Variants in NRXN3 observed in about 807,000 individuals in gnomAD.
NRXN3 encodes the protein neurexin 3, also known as neurexin III.
In NRXN3, 32 loss-of-function variants were observed where a neutral mutation model predicts 137.6. That is an observed-to-expected ratio of 0.23 (90% CI 0.18 to 0.31). The LOEUF (loss-of-function observed/expected upper bound fraction) is 0.31, where lower values mean the gene tolerates loss of function less well. NRXN3 is among the 10% of genes least tolerant of loss of function. The pLI is 1.00. For missense variants in NRXN3, 1,574 were observed against 2,062.5 expected, an observed-to-expected ratio of 0.76 and a Z score of 4.59; for synonymous variants, 798 against 784.5, an observed-to-expected ratio of 1.02 and a Z score of -0.29.
chr14:79,079,517 T>C (rs897759646), intron 15 of NRXN3, among the ~76,000 whole-genome samples: 5 of 152,196 alleles, frequency 3.3e-5, no homozygotes, highest in African/African-American at 1.2e-4. Flanking sequence ...AATGGTGATA[T>C]GGAGAACTTA....
chr14:78,222,333 T>C (rs989840292), intron 1 of NRXN3, among the ~76,000 whole-genome samples: 22 of 148,542 alleles, frequency 1.5e-4, no homozygotes, highest in African/African-American at 3.2e-4. Context: ...CACACACACA[T>C]ACACACACAC....
At chr14:79,854,074 T>G (rs1424905819) in intron 20 of NRXN3, 2 of 984,658 alleles carry the variant, frequency 2.0e-6, no homozygotes, top group African/African-American at 3.5e-5. Flanking sequence ...AATTAGACAT[T>G]TTGCTCAAAA....
rs547724767 is a variant in NRXN3 at position 79,860,563 on chromosome 14, C to CA, written c.4094-777dup. Among the ~76,000 whole-genome samples the CA allele has an allele frequency of 7.4e-4, 112 of 152,302 alleles. 2 individuals are homozygous for CA. In the East Asian group the frequency reaches 0.019, roughly 25 times the overall value. On this transcript the variant is annotated intron_variant, in intron 20 of 20. Transcript: ENST00000335750. ...CTTTTATGTTTCTTGATCTTGGTCT[C>CA]AATAAGATGGTGAATCGGTCATTCT...
chr14:79,198,554 A>G (rs746050409), intron 15 of NRXN3, among the ~76,000 whole-genome samples: 2 of 152,228 alleles, frequency 1.3e-5, no homozygotes, highest in Non-Finnish European at 2.9e-5. Context: ...TCTTAATGCT[A>G]AAGGGAGATA....
intron 8 of NRXN3, among the ~76,000 whole-genome samples, chr14:78,716,957 C>T (rs1008134130): frequency 1.9e-4 from 29 of 152,144 alleles, no homozygotes; most frequent in Admixed American, 1.8e-3. Flanking sequence ...CTGTCAGGTG[C>T]CTGGGCTCTT....
chr14:79,758,451 C>T (rs2099027422), intron 19 of NRXN3, among the ~76,000 whole-genome samples: 1 of 152,046 alleles, frequency 6.6e-6, no homozygotes, highest in African/African-American at 2.4e-5. Flanking sequence ...TTTTAACAAT[C>T]AGATTTCATG....
chr14:78,209,640 CTACCACG>C (rs2153409686), intron 1 of NRXN3, among the ~76,000 whole-genome samples: 2 of 152,268 alleles, frequency 1.3e-5, no homozygotes, highest in South Asian at 4.2e-4. Flanking sequence ...TGAGAACTCA[CTACCACG>C]AGAACAGCAT....
At chr14:78,901,347 C>T (rs2099195681) in intron 10 of NRXN3, among the ~76,000 whole-genome samples, 1 of 151,776 alleles carries the variant, frequency 6.6e-6, no homozygotes, top group African/African-American at 2.4e-5. Context: ...CCTGCTTTCC[C>T]TTTGTATTTC....
intron 15 of NRXN3, among the ~76,000 whole-genome samples, chr14:79,232,602 G>A (rs1036003254): frequency 6.6e-6 from 1 of 152,014 alleles, no homozygotes; most frequent in Non-Finnish European, 1.5e-5. Context: ...AGCGACATTG[G>A]CTTTCTAGTT....
chr14:79,367,019 T>A (rs2093921240), intron 15 of NRXN3, among the ~76,000 whole-genome samples: 1 of 142,956 alleles, frequency 7.0e-6, no homozygotes, highest in Non-Finnish European at 1.5e-5. Flanking sequence ...AGTCTTGCTC[T>A]GTCACCCAGG....
chr14:78,582,703 T>C (rs895139056), intron 4 of NRXN3, among the ~76,000 whole-genome samples: 2 of 152,194 alleles, frequency 1.3e-5, no homozygotes, highest in African/African-American at 4.8e-5. Context: ...CATCTGGAAC[T>C]ATGAGAAATC....
At chr14:79,382,853 C>A (rs140934375) in intron 15 of NRXN3, among the ~76,000 whole-genome samples, 3 of 152,070 alleles carry the variant, frequency 2.0e-5, no homozygotes, top group Non-Finnish European at 4.4e-5. Context: ...GATTGACTTT[C>A]CTAATTCAAT....
chr14:79,212,842 T>C (rs947197130), intron 15 of NRXN3, among the ~76,000 whole-genome samples: 1 of 151,414 alleles, frequency 6.6e-6, no homozygotes, highest in Non-Finnish European at 1.5e-5. Context: ...TACAACATTC[T>C]CCAAATTTGT....
intron 15 of NRXN3, among the ~76,000 whole-genome samples, chr14:79,219,609 G>T (rs2069167295): frequency 6.6e-6 from 1 of 152,136 alleles, no homozygotes; most frequent in African/African-American, 2.4e-5. Context: ...GGGATACTAA[G>T]AAGACCTGAA....
chr14:78,506,643 GTTTTTTTTTTTTT>G (rs71131653), intron 4 of NRXN3, among the ~76,000 whole-genome samples: 3 of 105,362 alleles, frequency 2.8e-5, no homozygotes, highest in East Asian at 2.6e-4. Context: ...TCTCATTGTA[GTTTTTTTTTTTTT>G]TTTTTTTTTT....
intron 15 of NRXN3, among the ~76,000 whole-genome samples, chr14:79,136,345 T>C (rs2620393): frequency 0.018 from 2,692 of 152,312 alleles, 78 homozygotes; most frequent in African/African-American, 0.062. Context: ...CAGCCTATGC[T>C]CAAAGTGTCC....
intron 15 of NRXN3, among the ~76,000 whole-genome samples, chr14:79,088,697 A>G (rs1010473857): frequency 2.6e-5 from 4 of 152,126 alleles, no homozygotes; most frequent in South Asian, 2.1e-4. Flanking sequence ...AAATGTAAAC[A>G]TATAAACACT....
At chr14:78,640,209 A>T (rs1452075433) in intron 4 of NRXN3, among the ~76,000 whole-genome samples, 1 of 152,270 alleles carries the variant, frequency 6.6e-6, no homozygotes, top group Non-Finnish European at 1.5e-5. Flanking sequence ...TGTAAACCTC[A>T]CTATATCCAG....
chr14:78,635,437 A>G (rs2097559264), intron 4 of NRXN3, among the ~76,000 whole-genome samples: 1 of 152,210 alleles, frequency 6.6e-6, no homozygotes, highest in African/African-American at 2.4e-5. Context: ...GGTAGCAATT[A>G]GTGTTGATAT....
Sources: gnomAD v4.1 joint callset for allele counts (sites outside exome capture counted in the v4.1 genomes callset) on GRCh38, gnomAD v4.1.1 for gene constraint, MANE v1.5 for transcripts, NCBI Gene and HGNC (gene_info 2026-07-23, HGNC 2026-07-21) for gene names.